The following EXT2 variants were observed in gnomAD, a reference collection of about 807,000 sequenced individuals.
The protein encoded by EXT2 is exostosin-2.
In EXT2, 53 loss-of-function variants were observed where a neutral mutation model predicts 81.6. That is an observed-to-expected ratio of 0.65 (90% confidence interval 0.52 to 0.82). EXT2 has a LOEUF of 0.82. Among genes scored for constraint, EXT2 ranks in the 40% least tolerant of loss-of-function variants. The pLI is 0.00. For missense variants in EXT2, 774 were observed against 910.2 expected, an observed-to-expected ratio of 0.85 and a Z score of 1.93; for synonymous variants, 320 against 340.0, an observed-to-expected ratio of 0.94 and a Z score of 0.65.
intron 8 of EXT2, among the ~76,000 whole-genome samples, chr11:44,177,456 C>T (rs1175199164): frequency 6.6e-6 from 1 of 152,174 alleles, no homozygotes; most frequent in Admixed American, 6.5e-5. Flanking sequence ...TCTCCTTGGA[C>T]ACCCTCCTCA....
intron 1 of EXT2, among the ~76,000 whole-genome samples, chr11:44,102,649 T>G (rs1471218697): frequency 1.3e-5 from 2 of 151,446 alleles, no homozygotes; most frequent in Non-Finnish European, 2.9e-5. Flanking sequence ...CAGCTCCCTC[T>G]TCCTTCTGCT....
intron 13 of EXT2, among the ~76,000 whole-genome samples, chr11:44,239,689 CTTTTTTTTTT>C (rs397849292): frequency 0.014 from 1,223 of 85,366 alleles, 14 homozygotes; most frequent in Middle Eastern, 0.041. Context: ...CCCTGCCTGG[CTTTTTTTTTT>C]TTTTTTTTTT....
At chr11:44,139,164 T>C (rs1186036739) in intron 7 of EXT2, among the ~76,000 whole-genome samples, 2 of 151,068 alleles carry the variant, frequency 1.3e-5, no homozygotes, top group African/African-American at 2.4e-5. Context: ...GAATGACTTG[T>C]AGGGAGATAA....
Position 44,163,022 on chromosome 11 carries a change from AAAGT to A in EXT2, c.1174-8584_1174-8581del, listed in dbSNP as rs1954947912. On this transcript the variant is annotated intron_variant, in intron 7 of 13. Transcript: ENST00000533608. The stretch of plus-strand genomic sequence containing the variant: ...TTCAAAATCCCTTTTTATGTTAAAG[AAAGT>A]AAGTTCTATTAATTGCTGTTTGTTG... 8.5e-5 allele frequency among the ~76,000 whole-genome samples: 13 copies of A among 152,346 alleles called. 1 individual carries two copies. In the South Asian group the frequency reaches 2.1e-3, roughly 24 times the overall value.
chr11:44,205,533 A>G (rs554165368), intron 9 of EXT2, among the ~76,000 whole-genome samples: 62 of 152,334 alleles, frequency 4.1e-4, no homozygotes, highest in African/African-American at 1.4e-3. Flanking sequence ...GCTCTGTGCC[A>G]CAGGTTTATT....
intron 7 of EXT2, among the ~76,000 whole-genome samples, chr11:44,155,318 G>A (rs796276449): frequency 1.1e-4 from 16 of 152,026 alleles, no homozygotes; most frequent in African/African-American, 2.7e-4. Flanking sequence ...TCTTCATTCC[G>A]TGTTATTGAT....
At chr11:44,201,569 C>A (rs921611349) in intron 9 of EXT2, among the ~76,000 whole-genome samples, 1 of 152,100 alleles carries the variant, frequency 6.6e-6, no homozygotes, top group East Asian at 1.9e-4. Flanking sequence ...TGCACTAAGC[C>A]CCTCTGTGTC....
chr11:44,150,803 C>G (rs1184223668), intron 7 of EXT2, among the ~76,000 whole-genome samples: 1 of 152,152 alleles, frequency 6.6e-6, no homozygotes, highest in African/African-American at 2.4e-5. Flanking sequence ...ATCCACAGAC[C>G]TATTATACAA....
At chr11:44,180,830 G>A (rs185185581) in intron 8 of EXT2, among the ~76,000 whole-genome samples, 20 of 152,240 alleles carry the variant, frequency 1.3e-4, no homozygotes, top group Middle Eastern at 3.4e-3. Context: ...GGCTGGGCGC[G>A]GTGGCTCACA....
chr11:44,169,928 T>TA (rs964366614), intron 7 of EXT2, among the ~76,000 whole-genome samples: 13 of 152,092 alleles, frequency 8.5e-5, no homozygotes, highest in Non-Finnish European at 1.2e-4. Flanking sequence ...TTGAAATACT[T>TA]ACATATATAT....
At chr11:44,143,698 G>C (rs749835815) in intron 7 of EXT2, among the ~76,000 whole-genome samples, 1 of 152,178 alleles carries the variant, frequency 6.6e-6, no homozygotes, top group Non-Finnish European at 1.5e-5. Flanking sequence ...GGACTCATGT[G>C]CCTCTGGTCA....
chr11:44,239,531 TAC>T (rs2135274411), intron 13 of EXT2, among the ~76,000 whole-genome samples: 1 of 151,710 alleles, frequency 6.6e-6, no homozygotes, highest in African/African-American at 2.4e-5. Flanking sequence ...CAGCTGGGAC[TAC>T]AGGCACGTGG....
chr11:44,134,979 A>T (rs1954544784), intron 7 of EXT2, among the ~76,000 whole-genome samples: 1 of 152,244 alleles, frequency 6.6e-6, no homozygotes, highest in Non-Finnish European at 1.5e-5. Flanking sequence ...ACACTGATCC[A>T]TCTCAATGTG....
intron 7 of EXT2, among the ~76,000 whole-genome samples, chr11:44,167,330 G>T (rs563468087): frequency 6.6e-6 from 1 of 152,216 alleles, no homozygotes; most frequent in Non-Finnish European, 1.5e-5. Context: ...CAGCAGTTGG[G>T]AATGTAGTGA....
At chr11:44,215,368 A>G (rs142760515) in intron 10 of EXT2, among the ~76,000 whole-genome samples, 6 of 152,330 alleles carry the variant, frequency 3.9e-5, no homozygotes, top group African/African-American at 1.4e-4. Flanking sequence ...ACACATATTT[A>G]TATAAAAGTA....
chr11:44,222,068 T>C (rs1371818526), intron 10 of EXT2, among the ~76,000 whole-genome samples: 1 of 152,210 alleles, frequency 6.6e-6, no homozygotes, highest in Non-Finnish European at 1.5e-5. Context: ...AATTGGTTCC[T>C]AGGGTTCACA....
At chr11:44,197,718 C>A in intron 8 of EXT2, 111 bp from the exon 9 acceptor site, 2 of 1,074,666 alleles carry the variant, frequency 1.9e-6, no homozygotes, top group Non-Finnish European at 2.9e-6. Flanking sequence ...GCTCTGGGAT[C>A]TGTCCTGGTA....
intron 8 of EXT2, among the ~76,000 whole-genome samples, chr11:44,175,856 A>G (rs559488776): frequency 5.9e-5 from 9 of 152,292 alleles, no homozygotes; most frequent in African/African-American, 2.2e-4. Flanking sequence ...CATCTAAGAC[A>G]CATCCTGCTG....
chr11:44,164,669 A>G (rs544386166), intron 7 of EXT2, among the ~76,000 whole-genome samples: 1 of 152,266 alleles, frequency 6.6e-6, no homozygotes, highest in South Asian at 2.1e-4. Context: ...ATATCCTAGG[A>G]ATTATATAGT....
Sources: gnomAD v4.1 joint callset for allele counts (sites outside exome capture counted in the v4.1 genomes callset) on GRCh38, gnomAD v4.1.1 for gene constraint, MANE v1.5 for transcripts, NCBI Gene and HGNC (gene_info 2026-07-23, HGNC 2026-07-21) for gene names.